Variants in ST8SIA1 observed in about 807,000 individuals in gnomAD.
ST8SIA1 encodes alpha-N-acetylneuraminide alpha-2,8-sialyltransferase.
A neutral mutation model predicts 35.9 loss-of-function variants in ST8SIA1; 16 were observed. The observed-to-expected ratio is 0.45, with a 90% CI of 0.30 to 0.68. ST8SIA1 has a LOEUF of 0.68. Among genes scored for constraint, ST8SIA1 ranks in the 30% least tolerant of loss-of-function variants. The pLI is 0.09. For missense variants in ST8SIA1, 383 were observed against 453.6 expected (o/e 0.84, Z 1.41); for synonymous variants, 170 against 169.6 (o/e 1.00, Z -0.02).
chr12:22,283,020 A>G (rs1162866880), intron 2 of ST8SIA1, among the ~76,000 whole-genome samples: 1 of 152,222 alleles, frequency 6.6e-6, no homozygotes, highest in Admixed American at 6.5e-5. Context: ...TCATTTTAAC[A>G]AGGCTATTTT....
At chr12:22,302,151 A>G (rs1866326870) in intron 1 of ST8SIA1, among the ~76,000 whole-genome samples, 2 of 152,100 alleles carry the variant, frequency 1.3e-5, no homozygotes, top group Non-Finnish European at 1.5e-5. Context: ...AGGTTTTTCA[A>G]TTTTTATTAT....
In ST8SIA1 at chr12:22,201,699, G is replaced by A; in HGVS notation, c.924C>T (p.Ser308=). Reference sequence around the variant, plus strand: ...GTAAGACGTTGTCATAGTAGTGGTGGCTGATGGGCTGCTCATGCATATTCA... The same window carrying A: ...GTAAGACGTTGTCATAGTAGTGGTGACTGATGGGCTGCTCATGCATATTCA... ...FSVNMHEQPI[S]HHYYDNVLPF... is the part of the protein sequence containing the mutation. Residue 308 remains serine (S), a synonymous_variant, in exon 5 of 5, where the codon AGC becomes AGT. Transcript: ENST00000396037. 1 of 1,614,122 alleles carries A rather than the reference G, an allele frequency of 6.2e-7. No individual in the cohort carries two copies. Among genetic ancestry groups the A allele is most frequent in the East Asian group, 2.2e-5 (1 of 44,880 alleles).
At chr12:22,303,846 CCACACACACACACACACACA>C (rs61596419) in intron 1 of ST8SIA1, among the ~76,000 whole-genome samples, 8 of 140,704 alleles carry the variant, frequency 5.7e-5, no homozygotes, top group African/African-American at 1.9e-4. Flanking sequence ...CACCACCCTG[CCACACACACACACACACACA>C]CACACACACA....
chr12:22,278,836 TCTTAC>T (rs1866000099), intron 2 of ST8SIA1, among the ~76,000 whole-genome samples: 1 of 152,156 alleles, frequency 6.6e-6, no homozygotes, highest in South Asian at 2.1e-4. Context: ...TAAAATGTTG[TCTTAC>T]CCTCAAAAAG....
intron 2 of ST8SIA1, among the ~76,000 whole-genome samples, chr12:22,273,500 G>A (rs985378636): frequency 2.6e-5 from 4 of 152,070 alleles, no homozygotes; most frequent in African/African-American, 2.4e-5. Context: ...GAAACTCCCC[G>A]CCTTGCTCAC....
At position 22,195,422 on chromosome 12, in the gene ST8SIA1, T is replaced by C. The variant is rs967065698; in HGVS notation, c.*6130A>G. ...TTCCTCTAGCATCTTTTCTCTCTTT[T>C]TTTTTCTGTTTGTTGTTTTGTTTTG... is the stretch of plus-strand genomic sequence containing the variant. On this transcript the variant is annotated 3_prime_UTR_variant, in exon 5 of 5. Transcript: ENST00000396037. The C allele has an allele frequency of 2.0e-5, 3 of 152,212 alleles. No homozygotes were observed. The highest frequency in any genetic ancestry group is 7.3e-5 in the African/African-American group (3 of 41,340). 9.4% of individuals were successfully genotyped at this position (152,212 alleles called of 1,614,324 possible). A position where few individuals can be genotyped will look rare whatever the true frequency, so the allele number is the denominator to read the frequency against.
intron 2 of ST8SIA1, among the ~76,000 whole-genome samples, chr12:22,272,702 T>C (rs1471316816): frequency 1.3e-5 from 2 of 152,222 alleles, no homozygotes; most frequent in African/African-American, 4.8e-5. Context: ...ACAAGAATAT[T>C]TGATGGCTAA....
intron 2 of ST8SIA1, among the ~76,000 whole-genome samples, chr12:22,259,590 C>A (rs565891730): frequency 1.3e-5 from 2 of 151,974 alleles, no homozygotes; most frequent in African/African-American, 2.4e-5. Context: ...CTCGGCCTCC[C>A]GAGTAGCTGG....
At chr12:22,258,850 A>G (rs1025212511) in intron 2 of ST8SIA1, among the ~76,000 whole-genome samples, 10 of 152,242 alleles carry the variant, frequency 6.6e-5, no homozygotes, top group African/African-American at 2.4e-4. Context: ...CCGCAAAACA[A>G]ACAGATCTTG....
chr12:22,294,766 T>C (rs1015643152), intron 1 of ST8SIA1, among the ~76,000 whole-genome samples: 12 of 152,240 alleles, frequency 7.9e-5, no homozygotes, highest in African/African-American at 2.7e-4. Context: ...TTGTTTTTTC[T>C]AATACATATT....
intron 2 of ST8SIA1, among the ~76,000 whole-genome samples, chr12:22,264,715 T>C (rs543977963): frequency 6.6e-6 from 1 of 152,324 alleles, no homozygotes; most frequent in Admixed American, 6.5e-5. Flanking sequence ...GATATATATT[T>C]GTACATGTTA....
chr12:22,259,286 AGG>A (rs201385513), intron 2 of ST8SIA1, among the ~76,000 whole-genome samples: 2 of 140,998 alleles, frequency 1.4e-5, no homozygotes, highest in Non-Finnish European at 1.6e-5. Context: ...ACAAAAGTCC[AGG>A]GGTTTTTTTA....
chr12:22,278,049 T>G (rs1865991899), intron 2 of ST8SIA1, among the ~76,000 whole-genome samples: 1 of 152,328 alleles, frequency 6.6e-6, no homozygotes, highest in South Asian at 2.1e-4. Context: ...AGTTGCTCAA[T>G]AAGTACTTCA....
intron 1 of ST8SIA1, among the ~76,000 whole-genome samples, chr12:22,319,628 AAG>A (rs1866559206): frequency 6.6e-6 from 1 of 152,096 alleles, no homozygotes; most frequent in South Asian, 2.1e-4. Flanking sequence ...GGGCTGGGGG[AAG>A]AGTCTGACTG....
intron 1 of ST8SIA1, among the ~76,000 whole-genome samples, chr12:22,298,917 T>C (rs916327238): frequency 6.6e-6 from 1 of 151,578 alleles, no homozygotes; most frequent in Admixed American, 6.6e-5. Context: ...AAAGTAGAGA[T>C]TTTTTTTTAA....
At chr12:22,207,347 T>A (rs1454320775) in intron 4 of ST8SIA1, among the ~76,000 whole-genome samples, 1 of 152,200 alleles carries the variant, frequency 6.6e-6, no homozygotes, top group East Asian at 1.9e-4. Flanking sequence ...AAAGTATAAG[T>A]GTATAGGGTA....
intron 2 of ST8SIA1, 34 bp downstream of exon 2, chr12:22,287,115 A>G (rs1591844986): frequency 6.4e-7 from 1 of 1,570,822 alleles, no homozygotes; most frequent in African/African-American, 1.4e-5. Flanking sequence ...GAAATTTAAG[A>G]AACCATACTG....
intron 1 of ST8SIA1, among the ~76,000 whole-genome samples, chr12:22,329,386 C>G (rs1866729025): frequency 6.6e-6 from 1 of 152,068 alleles, no homozygotes; most frequent in Non-Finnish European, 1.5e-5. Flanking sequence ...AGAACTAGGC[C>G]TGGTATATTT....
chr12:22,275,553 CA>C (rs1218146859), intron 2 of ST8SIA1, among the ~76,000 whole-genome samples: 8 of 144,916 alleles, frequency 5.5e-5, no homozygotes, highest in East Asian at 4.0e-4. Context: ...GACTCCGTGT[CA>C]AAAAAAAAAG....
Sources: gnomAD v4.1 joint callset for allele counts (sites outside exome capture counted in the v4.1 genomes callset) on GRCh38, gnomAD v4.1.1 for gene constraint, MANE v1.5 for transcripts, NCBI Gene and HGNC (gene_info 2026-07-23, HGNC 2026-07-21) for gene names.